Variants in SYCP2 observed in about 807,000 individuals in gnomAD.
SYCP2 encodes synaptonemal complex protein 2.
A neutral mutation model predicts 211.3 loss-of-function variants in SYCP2; 55 were observed. The observed-to-expected ratio is 0.26, with a 90% CI of 0.21 to 0.33. The LOEUF (loss-of-function observed/expected upper bound fraction) is 0.33. Ranked by LOEUF, SYCP2 falls within the 10% of genes least tolerant of loss-of-function variation. The pLI, the probability that SYCP2 is intolerant of heterozygous loss-of-function variation, is 1.00. For missense variants in SYCP2, 1,731 were observed against 1,752.0 expected (o/e 0.99, Z 0.21); for synonymous variants, 570 against 555.2 (o/e 1.03, Z -0.37).
rs773291998 is a variant in SYCP2 at position 59,873,837 on chromosome 20, A to T, written c.3555+19T>A. The T allele has an allele frequency of 2.5e-6, 4 of 1,571,736 alleles. No individual in the cohort carries two copies. The South Asian group carries it at 3.5e-5, about 14-fold the overall frequency. On this transcript the variant is annotated intron_variant, in intron 35 of 44. Coordinates refer to ENST00000357552, the MANE Select transcript of SYCP2 (RefSeq NM_014258.4). ...TTCAGATATATCTGATAAAGAGAAA[A>T]ATATATATACATTCTCACCAAAAAC... is the stretch of plus-strand genomic sequence containing the variant.
At chr20:59,900,411 C>T in intron 17 of SYCP2, 127 bp from the exon 18 acceptor site, 1 of 881,336 alleles carries the variant, frequency 1.1e-6, no homozygotes. Context: ...TATCCATGTG[C>T]TGTTATAATT....
At chr20:59,908,279 C>CG (rs1272126584) in intron 14 of SYCP2, among the ~76,000 whole-genome samples, 1 of 151,546 alleles carries the variant, frequency 6.6e-6, no homozygotes, top group African/African-American at 2.4e-5. Flanking sequence ...CAAAACAAAA[C>CG]GAAAAAAAAC....
At position 59,919,535 on chromosome 20, in the gene SYCP2, T is replaced by A. The variant is rs1568980823; in HGVS notation, c.360A>T (p.Glu120Asp). 6.2e-7 allele frequency: 1 copy of A among 1,610,218 alleles called. No individual in the cohort carries two copies. The highest frequency in any genetic ancestry group is 1.1e-5 in the South Asian group (1 of 90,714). ...IIQSQGNSKD[E>D]AVLNMIEDLV... is the part of the protein sequence containing the mutation. ...AGTCTTCTATCATATTTAGAACAGC[T>A]TCATCTTTTGAATTTCCTTGACTCT... The change falls in exon 6 of 45, where the codon GAA becomes GAT. Residue 120 changes from glutamate to aspartate, a missense_variant. Physicochemically the swap from Glu to Asp is conservative, Grantham distance 45. Transcript: ENST00000357552.
intron 18 of SYCP2, among the ~76,000 whole-genome samples, chr20:59,898,853 G>A (rs80204288): frequency 0.026 from 3,983 of 152,146 alleles, 183 homozygotes; most frequent in African/African-American, 0.091. Flanking sequence ...AAGATCTAGA[G>A]GCATGAATGA....
rs771334050 is a variant in SYCP2, at chr20:59,873,805, T to TA, written c.3555+50dup. The TA allele has an allele frequency of 2.1e-6, 3 of 1,441,294 alleles. No homozygotes were observed. The Admixed American group carries it at 6.5e-5, about 31-fold the overall frequency. 89.3% of individuals were successfully genotyped at this position (1,441,294 alleles called of 1,614,324 possible). On this transcript the variant is annotated intron_variant, in intron 35 of 44. Coordinates refer to ENST00000357552, the MANE Select transcript of SYCP2 (RefSeq NM_014258.4). ...GATTAAGATGATAGGGAAAATAACT[T>TA]ACTACCTTCAGATATATCTGATAAA...
chr20:59,902,682 T>C (rs1260318820), intron 15 of SYCP2, among the ~76,000 whole-genome samples: 1 of 152,152 alleles, frequency 6.6e-6, no homozygotes, highest in African/African-American at 2.4e-5. Flanking sequence ...TTATGAGGCC[T>C]GCCCAAGCAG....
chr20:59,915,654 C>A, intron 8 of SYCP2, 104 bp from the exon 9 acceptor site: 1 of 731,740 alleles, frequency 1.4e-6, no homozygotes, highest in Non-Finnish European at 2.4e-6. Context: ...TTTTCTTAAT[C>A]ACTGAGTTTT....
At chr20:59,873,576 C>G (rs756573055) in intron 35 of SYCP2, among the ~76,000 whole-genome samples, 12 of 152,066 alleles carry the variant, frequency 7.9e-5, no homozygotes, top group Non-Finnish European at 1.5e-4. Context: ...CTGTAGGTAA[C>G]TGAAACCTCA....
chr20:59,880,692 T>C (rs2059661171), intron 30 of SYCP2, among the ~76,000 whole-genome samples: 1 of 151,798 alleles, frequency 6.6e-6, no homozygotes, highest in South Asian at 2.1e-4. Flanking sequence ...TATTTTGGTG[T>C]TGATGTTGTT....
At chr20:59,909,087 C>T (rs555464596) in intron 14 of SYCP2, among the ~76,000 whole-genome samples, 2 of 152,104 alleles carry the variant, frequency 1.3e-5, no homozygotes, top group African/African-American at 2.4e-5. Context: ...TTTCCTTTGT[C>T]GTCCGTAACA....
chr20:59,910,626 A>C (rs943943366), intron 14 of SYCP2, among the ~76,000 whole-genome samples: 2 of 151,580 alleles, frequency 1.3e-5, no homozygotes, highest in Non-Finnish European at 2.9e-5. Context: ...ATTAGACCAA[A>C]CTGAATAAAG....
At chr20:59,919,424 G>T in intron 6 of SYCP2, 69 bp downstream of exon 6, 1 of 1,204,904 alleles carries the variant, frequency 8.3e-7, no homozygotes, top group Non-Finnish European at 1.2e-6. Context: ...TCAGGGCACA[G>T]AGAACACAAA....
Position 59,866,367 on chromosome 20 carries a change from A to C in SYCP2, c.4246T>G (p.Phe1416Val). ...TTCTCCAGCTCCTCTATGATAATGA[A>C]TTGGAATTTATCAAGTTTTTTAATC... ...SRIKKLDKFQFIIIEELENFE... is the reference protein window; with the variant it reads ...SRIKKLDKFQVIIIEELENFE... Residue 1416 changes from phenylalanine to valine, a missense_variant, in exon 41 of 45, where the codon TTC becomes GTC. This residue lies in a region of SYCP2 where 1,387 missense variants were observed against 1,351.3 expected (regional missense o/e 1.03). Transcript: ENST00000357552. 6.3e-7 allele frequency: 1 copy of C among 1,592,126 alleles called. No homozygotes were observed. Among genetic ancestry groups the C allele is most frequent in the Non-Finnish European group, 8.6e-7 (1 of 1,168,010 alleles).
At chr20:59,879,834 T>A (rs913941278) in intron 31 of SYCP2, among the ~76,000 whole-genome samples, 30 of 54,374 alleles carry the variant, frequency 5.5e-4, no homozygotes, top group African/African-American at 4.3e-3. Flanking sequence ...TATATATATA[T>A]ATATATATAT....
chr20:59,900,733 C>A lies in SYCP2; in HGVS notation c.1257+11G>T. 1.9e-6 allele frequency: 3 copies of A among 1,610,184 alleles called. No individual in the cohort carries two copies. The highest frequency in any genetic ancestry group is 2.5e-6 in the Non-Finnish European group (3 of 1,177,140). On this transcript the variant is annotated intron_variant, in intron 17 of 44. Coordinates refer to ENST00000357552, the MANE Select transcript of SYCP2 (RefSeq NM_014258.4). ...GCCCAGTGATAAAAATCAAGTAAGT[C>A]TGAGACATACCTGTGATCCACTTGC...
intron 20 of SYCP2, 139 bp downstream of exon 20, chr20:59,895,298 G>T: frequency 1.6e-6 from 1 of 641,002 alleles, no homozygotes; most frequent in Non-Finnish European, 2.5e-6. Context: ...TACTTTCAAG[G>T]GCAATAAATA....
chr20:59,882,595 G>C (rs770286756), intron 26 of SYCP2, among the ~76,000 whole-genome samples: 4 of 152,018 alleles, frequency 2.6e-5, no homozygotes, highest in Non-Finnish European at 5.9e-5. Context: ...ATATTATTCA[G>C]CAATAAAAAA....
chr20:59,917,196 C>G (rs1003016718), intron 7 of SYCP2, among the ~76,000 whole-genome samples: 1 of 151,582 alleles, frequency 6.6e-6, no homozygotes, highest in African/African-American at 2.4e-5. Flanking sequence ...AGGCTTTTAC[C>G]AAAACTGACC....
chr20:59,881,885 G>A (rs1001231631), intron 28 of SYCP2, 60 bp downstream of exon 28: 44 of 1,342,660 alleles, frequency 3.3e-5, no homozygotes, highest in Non-Finnish European at 4.5e-5. Flanking sequence ...TGTAATAACT[G>A]CATGGTAAAT....
Sources: allele counts gnomAD v4.1 joint callset (sites outside exome capture counted in the v4.1 genomes callset), GRCh38; gene constraint gnomAD v4.1.1; regional missense constraint gnomAD v4.1.1; transcripts MANE v1.5; gene names NCBI Gene and HGNC (gene_info 2026-07-23, HGNC 2026-07-21).